ROBO1: variants seen among roughly 807,000 people sequenced by gnomAD.
The protein encoded by ROBO1 is roundabout guidance receptor 1, also known as roundabout homolog 1.
ROBO1 carries 149 observed loss-of-function variants against 195.9 expected under a neutral mutation model. The ratio of observed to expected loss-of-function variants is 0.76; its 90% CI spans 0.67 to 0.87. The LOEUF is 0.87. Ranked by LOEUF, ROBO1 falls within the 40% of genes least tolerant of loss-of-function variation. The pLI is 0.00. For synonymous variants in ROBO1, 816 were observed against 733.2 expected (o/e 1.11, Z -1.82); for missense variants, 1,933 against 2,068.3 (o/e 0.93, Z 1.27).
In ROBO1 at chr3:78,830,144, G is replaced by C. The variant is rs555070571; in HGVS notation, c.500-83244C>G. Among the ~76,000 whole-genome samples the C allele has an allele frequency of 1.2e-3, 185 of 152,260 alleles. 1 individual carries two copies. Among genetic ancestry groups the C allele is most frequent in the African/African-American group, 4.3e-3 (180 of 41,568 alleles). The stretch of plus-strand genomic sequence containing the variant: ...CTAGAGACAAAAGCTCAGTCATGCA[G>C]CCAGTCTCGTTTTTCTTTCTATGTG... On this transcript the variant is annotated intron_variant, in intron 4 of 30. Coordinates refer to ENST00000464233, the MANE Select transcript of ROBO1 (RefSeq NM_002941.4).
At chr3:79,337,532 C>T (rs1438662331) in intron 2 of ROBO1, among the ~76,000 whole-genome samples, 2 of 152,126 alleles carry the variant, frequency 1.3e-5, no homozygotes, top group Non-Finnish European at 2.9e-5. Flanking sequence ...TTTCCTGAAG[C>T]CTCCCCAGCT....
At position 78,696,996 on chromosome 3, in the gene ROBO1, A is replaced by G. The variant is rs557593370; in HGVS notation, c.1046-8224T>C. On this transcript the variant is annotated intron_variant, in intron 8 of 30. Coordinates refer to ENST00000464233, the MANE Select transcript of ROBO1 (RefSeq NM_002941.4). Reference sequence around the variant, plus strand: ...AATATCCATCTTTTTTGAAACATCAAAACAGTATATTTTGACAAGAACCCC... The same window carrying G: ...AATATCCATCTTTTTTGAAACATCAGAACAGTATATTTTGACAAGAACCCC... Among the ~76,000 whole-genome samples the G allele has an allele frequency of 2.3e-4, 35 of 151,646 alleles. 1 individual carries two copies. In the East Asian group the frequency reaches 5.7e-3, roughly 24 times the overall value.
intron 14 of ROBO1, among the ~76,000 whole-genome samples, chr3:78,664,618 G>A (rs75228815): frequency 0.02 from 3,073 of 152,224 alleles, 102 homozygotes; most frequent in African/African-American, 0.068. Flanking sequence ...TCCTGTACTC[G>A]GAACCTGTGC....
chr3:79,288,899 T>A (rs1219328190), intron 2 of ROBO1, among the ~76,000 whole-genome samples: 1 of 152,164 alleles, frequency 6.6e-6, no homozygotes, highest in Non-Finnish European at 1.5e-5. Context: ...ATCATCTTAT[T>A]AAGCCCCCAA....
intron 4 of ROBO1, among the ~76,000 whole-genome samples, chr3:78,918,178 C>G (rs2038737774): frequency 6.6e-6 from 1 of 152,026 alleles, no homozygotes; most frequent in African/African-American, 2.4e-5. Flanking sequence ...TATGGTAAAC[C>G]ATTTATGGAA....
At chr3:79,444,129 C>T (rs200295191) in intron 2 of ROBO1, among the ~76,000 whole-genome samples, 1 of 151,954 alleles carries the variant, frequency 6.6e-6, no homozygotes, top group Non-Finnish European at 1.5e-5. Context: ...TTACAAATTA[C>T]ATAAATATAT....
At chr3:79,518,152 G>T (rs1341690910) in intron 2 of ROBO1, among the ~76,000 whole-genome samples, 7 of 152,094 alleles carry the variant, frequency 4.6e-5, no homozygotes, top group African/African-American at 1.7e-4. Context: ...CAACCTATTT[G>T]GTTTTGAATG....
intron 1 of ROBO1, among the ~76,000 whole-genome samples, chr3:79,606,836 G>A (rs184708864): frequency 2.6e-5 from 4 of 151,888 alleles, no homozygotes; most frequent in Admixed American, 2.0e-4. Context: ...TATTGATAAA[G>A]AATAATAAAA....
chr3:79,454,537 T>C (rs1053593752), intron 2 of ROBO1, among the ~76,000 whole-genome samples: 2 of 152,106 alleles, frequency 1.3e-5, no homozygotes, highest in Non-Finnish European at 2.9e-5. Flanking sequence ...TTTCTAGTGA[T>C]GCATTTTAGC....
chr3:78,692,598 TGA>T (rs2081200031), intron 8 of ROBO1, among the ~76,000 whole-genome samples: 1 of 152,158 alleles, frequency 6.6e-6, no homozygotes, highest in Non-Finnish European at 1.5e-5. Flanking sequence ...TTAAAAATAG[TGA>T]GAGAGATTCT....
chr3:79,444,246 G>A (rs1463146916), intron 2 of ROBO1, among the ~76,000 whole-genome samples: 2 of 151,870 alleles, frequency 1.3e-5, no homozygotes, highest in African/African-American at 2.4e-5. Context: ...TTAAATTAAC[G>A]CTAATGCTGT....
intron 2 of ROBO1, among the ~76,000 whole-genome samples, chr3:79,494,704 T>C (rs958066081): frequency 1.7e-4 from 26 of 152,198 alleles, no homozygotes; most frequent in African/African-American, 5.8e-4. Context: ...ACATAATTGG[T>C]TTCCACAAAA....
At chr3:79,453,117 C>T (rs113618150) in intron 2 of ROBO1, among the ~76,000 whole-genome samples, 47 of 151,860 alleles carry the variant, frequency 3.1e-4, no homozygotes, top group African/African-American at 1.1e-3. Context: ...CTAGAGTCCA[C>T]GGGCTCTACA....
intron 1 of ROBO1, among the ~76,000 whole-genome samples, chr3:79,619,226 G>A (rs1944926720): frequency 6.6e-6 from 1 of 152,052 alleles, no homozygotes; most frequent in Non-Finnish European, 1.5e-5. Context: ...CAACTGCTTT[G>A]GCTGCACACC....
chr3:79,658,713 T>C (rs184044936), intron 1 of ROBO1, among the ~76,000 whole-genome samples: 1 of 152,112 alleles, frequency 6.6e-6, no homozygotes, highest in African/African-American at 2.4e-5. Flanking sequence ...CCTCAACCAT[T>C]CATCATTTCT....
chr3:79,295,464 G>A (rs1348222924), intron 2 of ROBO1, among the ~76,000 whole-genome samples: 1 of 152,092 alleles, frequency 6.6e-6, no homozygotes, highest in South Asian at 2.1e-4. Context: ...GGGAGCTAGG[G>A]GAGGAATAGC....
At chr3:79,611,798 TGAG>T (rs533336182) in intron 1 of ROBO1, among the ~76,000 whole-genome samples, 2 of 151,944 alleles carry the variant, frequency 1.3e-5, no homozygotes, top group Non-Finnish European at 2.9e-5. Flanking sequence ...GATGATGGGT[TGAG>T]GGGTGCAGCA....
chr3:79,105,372 C>T (rs1576678577), intron 3 of ROBO1, among the ~76,000 whole-genome samples: 1 of 151,594 alleles, frequency 6.6e-6, no homozygotes, highest in Non-Finnish European at 1.5e-5. Flanking sequence ...CTGCAACTTG[C>T]TGAAGATCAC....
chr3:78,861,219 G>A (rs914276202), intron 4 of ROBO1, among the ~76,000 whole-genome samples: 1 of 151,998 alleles, frequency 6.6e-6, no homozygotes, highest in Non-Finnish European at 1.5e-5. Flanking sequence ...TTGGAATAAT[G>A]GCCTCACCTT....
Sources: allele counts gnomAD v4.1 joint callset (sites outside exome capture counted in the v4.1 genomes callset), GRCh38; gene constraint gnomAD v4.1.1; transcripts MANE v1.5; gene names NCBI Gene and HGNC (gene_info 2026-07-23, HGNC 2026-07-21).